TENM2: variants seen among roughly 807,000 people sequenced by gnomAD.
TENM2 encodes teneurin transmembrane protein 2.
A neutral mutation model predicts 245.2 loss-of-function variants in TENM2; 52 were observed. The observed-to-expected ratio is 0.21, with a 90% confidence interval of 0.17 to 0.27. The LOEUF is 0.27. Among genes scored for constraint, TENM2 ranks in the 10% least tolerant of loss-of-function variants. The pLI, the probability that TENM2 is intolerant of heterozygous loss-of-function variation, is 1.00. For missense variants in TENM2, 3,046 were observed against 3,666.8 expected, an observed-to-expected ratio of 0.83 and a Z score of 4.37; for synonymous variants, 1,363 against 1,438.9, an observed-to-expected ratio of 0.95 and a Z score of 1.19.
At chr5:167,205,811 T>A in the TENM2 span, among the ~76,000 whole-genome samples, 19 of 152,310 alleles carry the variant, frequency 1.2e-4, no homozygotes, top group Admixed American at 2.6e-4. Context: ...TGGGAAAGGA[T>A]CTACTTCCAA....
At position 167,487,801 on chromosome 5, in the gene TENM2, A is replaced by C. The variant is rs993705020; in HGVS notation, c.502+112328A>C. On this transcript the variant is annotated intron_variant, in intron 2 of 28. Coordinates refer to ENST00000518659, the Ensembl canonical transcript of TENM2. ...AAACTTCAGGTGGAATACTGCTCCC[A>C]AGTCTGGGTTGCCAATTTTGAGTTC... Among the ~76,000 whole-genome samples, 4 of 152,292 alleles carry C rather than the reference A, an allele frequency of 2.6e-5. No homozygotes were observed. In the East Asian group the frequency reaches 7.7e-4, roughly 29 times the overall value.
chr5:168,168,075 G>A (rs1483898430), intron 13 of TENM2, among the ~76,000 whole-genome samples: 1 of 152,108 alleles, frequency 6.6e-6, no homozygotes, highest in Non-Finnish European at 1.5e-5. Flanking sequence ...TTAGTGCTGC[G>A]TGACTGTGTG....
chr5:167,378,399 G>A (rs186017893), intron 2 of TENM2, among the ~76,000 whole-genome samples: 2 of 131,696 alleles, frequency 1.5e-5, no homozygotes, highest in East Asian at 4.1e-4. Flanking sequence ...TTTTTTGGTA[G>A]TGTAGACACC....
At chr5:167,879,795 A>G (rs889623689) in intron 3 of TENM2, among the ~76,000 whole-genome samples, 1 of 152,144 alleles carries the variant, frequency 6.6e-6, no homozygotes, top group African/African-American at 2.4e-5. Flanking sequence ...TATGTGGCAA[A>G]AGAGCTGTCC....
chr5:167,129,736 G>A, the TENM2 span, among the ~76,000 whole-genome samples: 1 of 152,136 alleles, frequency 6.6e-6, no homozygotes, highest in Non-Finnish European at 1.5e-5. Flanking sequence ...TAGGAAAACC[G>A]TTAAACTGTC....
chr5:167,514,879 C>G (rs192779865), intron 2 of TENM2, among the ~76,000 whole-genome samples: 5 of 152,028 alleles, frequency 3.3e-5, no homozygotes, highest in South Asian at 2.1e-4. Context: ...GGCATGGTGG[C>G]GGGTGCCTGT....
chr5:167,738,261 C>T (rs953707815), intron 2 of TENM2, among the ~76,000 whole-genome samples: 5 of 152,202 alleles, frequency 3.3e-5, no homozygotes, highest in East Asian at 1.9e-4. Context: ...ATAATAAGAG[C>T]GTAGCATTGG....
At chr5:168,169,489 G>A (rs1340934310) in intron 13 of TENM2, among the ~76,000 whole-genome samples, 1 of 152,184 alleles carries the variant, frequency 6.6e-6, no homozygotes, top group Non-Finnish European at 1.5e-5. Flanking sequence ...ACTGGAGTCT[G>A]TCCAAAGCAC....
chr5:167,374,320 C>T (rs1055785938), intron 1 of TENM2, among the ~76,000 whole-genome samples: 6 of 152,118 alleles, frequency 3.9e-5, no homozygotes, highest in African/African-American at 1.2e-4. Context: ...TAGGCTAAAC[C>T]TAAGCCTAGG....
intron 2 of TENM2, among the ~76,000 whole-genome samples, chr5:167,514,583 C>G (rs185192723): frequency 1.3e-5 from 2 of 152,292 alleles, no homozygotes; most frequent in East Asian, 3.9e-4. Context: ...AAAATAAGTT[C>G]TAGAGATTCC....
chr5:167,195,074 A>G, the TENM2 span, among the ~76,000 whole-genome samples: 1 of 152,182 alleles, frequency 6.6e-6, no homozygotes, highest in South Asian at 2.1e-4. Flanking sequence ...TAAAAATAGA[A>G]TAAACACCAA....
chr5:166,996,167 C>A, the TENM2 span, among the ~76,000 whole-genome samples: 2 of 151,974 alleles, frequency 1.3e-5, no homozygotes, highest in African/African-American at 2.4e-5. Context: ...CACGGTGAAA[C>A]CCCGTCTCTA....
chr5:167,524,295 T>C (rs916265347), intron 2 of TENM2, among the ~76,000 whole-genome samples: 4 of 152,110 alleles, frequency 2.6e-5, no homozygotes, highest in Non-Finnish European at 5.9e-5. Flanking sequence ...ATCTGAAAAA[T>C]AGGGATAATA....
intron 1 of TENM2, among the ~76,000 whole-genome samples, chr5:167,294,844 CA>C (rs1370325274): frequency 6.6e-6 from 1 of 152,176 alleles, no homozygotes; most frequent in African/African-American, 2.4e-5. Flanking sequence ...CTCACAATTG[CA>C]AAAATATCAC....
At chr5:167,302,127 T>C (rs534089205) in intron 1 of TENM2, among the ~76,000 whole-genome samples, 5 of 152,110 alleles carry the variant, frequency 3.3e-5, no homozygotes, top group Non-Finnish European at 7.3e-5. Flanking sequence ...AAAGAATGCC[T>C]GGACATCAGG....
At chr5:167,891,758 G>A (rs1221965029) in intron 3 of TENM2, among the ~76,000 whole-genome samples, 3 of 152,150 alleles carry the variant, frequency 2.0e-5, no homozygotes, top group Non-Finnish European at 2.9e-5. Context: ...CACAGGTGCT[G>A]GGCATTGCCT....
At chr5:167,517,151 A>G (rs559155569) in intron 2 of TENM2, among the ~76,000 whole-genome samples, 1 of 152,264 alleles carries the variant, frequency 6.6e-6, no homozygotes, top group Admixed American at 6.5e-5. Context: ...AGTGATATCA[A>G]AAGTATTTTA....
At chr5:168,230,690 G>A (rs1764795092) in intron 25 of TENM2, among the ~76,000 whole-genome samples, 1 of 152,140 alleles carries the variant, frequency 6.6e-6, no homozygotes, top group Admixed American at 6.5e-5. Context: ...TCACATGAGG[G>A]CATGAAAGTT....
chr5:167,126,652 A>G, the TENM2 span, among the ~76,000 whole-genome samples: 1 of 152,202 alleles, frequency 6.6e-6, no homozygotes, highest in Non-Finnish European at 1.5e-5. Context: ...CACAACTGTA[A>G]TGACATCACC....
Sources: gnomAD v4.1 joint callset for allele counts (sites outside exome capture counted in the v4.1 genomes callset) on GRCh38, gnomAD v4.1.1 for gene constraint, MANE v1.5 for transcripts, NCBI Gene and HGNC (gene_info 2026-07-23, HGNC 2026-07-21) for gene names.